The following PRKG1 variants were observed in gnomAD, a reference collection of about 807,000 sequenced individuals.
PRKG1 encodes protein kinase cGMP-dependent 1, also known as cGMP-dependent protein kinase 1.
In PRKG1, 35 loss-of-function variants were observed where a neutral mutation model predicts 88.1. The ratio of observed to expected loss-of-function variants is 0.40; its 90% CI spans 0.30 to 0.53. The LOEUF (loss-of-function observed/expected upper bound fraction) is 0.53. PRKG1 is among the 20% of genes least tolerant of loss of function. The pLI is 0.59. For synonymous variants in PRKG1, 303 were observed against 292.5 expected (o/e 1.04, Z -0.37); for missense variants, 540 against 839.8 (o/e 0.64, Z 4.41).
chr10:52,111,004 C>G (rs1030086213), intron 7 of PRKG1, among the ~76,000 whole-genome samples: 2 of 152,166 alleles, frequency 1.3e-5, no homozygotes, highest in African/African-American at 2.4e-5. Context: ...TCCCAGAGAT[C>G]TCCATTTAGA....
intron 4 of PRKG1, among the ~76,000 whole-genome samples, chr10:51,864,153 C>T (rs144387751): frequency 1.3e-5 from 2 of 152,136 alleles, no homozygotes; most frequent in African/African-American, 2.4e-5. Flanking sequence ...ATAAGATGGT[C>T]ACTCTACACT....
chr10:52,160,735 T>G (rs1442188795), intron 8 of PRKG1, among the ~76,000 whole-genome samples: 1 of 152,062 alleles, frequency 6.6e-6, no homozygotes, highest in African/African-American at 2.4e-5. Context: ...AACTTATTGT[T>G]TAATACTCAC....
intron 3 of PRKG1, among the ~76,000 whole-genome samples, chr10:51,524,548 A>C (rs1233857348): frequency 6.6e-6 from 1 of 152,202 alleles, no homozygotes; most frequent in Non-Finnish European, 1.5e-5. Context: ...GATTTTTTTC[A>C]GCCATCTAAT....
chr10:51,115,406 GAGAC>G (rs1433401871), intron 1 of PRKG1, among the ~76,000 whole-genome samples: 3 of 41,162 alleles, frequency 7.3e-5, no homozygotes, highest in Admixed American at 3.0e-4. Context: ...GAAAGGGGGA[GAGAC>G]AGAGAGAGAG....
intron 1 of PRKG1, among the ~76,000 whole-genome samples, chr10:51,043,215 C>A (rs1843447010): frequency 6.6e-6 from 1 of 152,078 alleles, no homozygotes; most frequent in Non-Finnish European, 1.5e-5. Flanking sequence ...AAGAGGGACT[C>A]CACTGAGATC....
At chr10:52,281,414 C>G (rs1012727073) in intron 13 of PRKG1, among the ~76,000 whole-genome samples, 1 of 150,384 alleles carries the variant, frequency 6.6e-6, no homozygotes, top group East Asian at 2.0e-4. Flanking sequence ...AAGAGAAGTT[C>G]TTTTATTTAC....
intron 2 of PRKG1, among the ~76,000 whole-genome samples, chr10:51,291,793 G>T (rs1460757757): frequency 6.6e-6 from 1 of 152,008 alleles, no homozygotes; most frequent in East Asian, 1.9e-4. Context: ...GTTCAGATGT[G>T]TTTAGATTCT....
chr10:51,828,122 G>A (rs1839921275), intron 4 of PRKG1, among the ~76,000 whole-genome samples: 1 of 152,064 alleles, frequency 6.6e-6, no homozygotes, highest in African/African-American at 2.4e-5. Context: ...TTAGGTTGGA[G>A]CAAAAGTAAT....
rs139668959 is a variant in PRKG1 at position 52,135,757 on chromosome 10, C to CT, written c.1001+1853dup. Reference sequence around the variant, plus strand: ...TATCGAACACTCAAGAATGGATGGCCTGTAGGAGACAGGAAATGTGGGACA... The same window carrying CT: ...TATCGAACACTCAAGAATGGATGGCCTTGTAGGAGACAGGAAATGTGGGACA... On this transcript the variant is annotated intron_variant, in intron 8 of 17. Coordinates refer to ENST00000373980, the MANE Select transcript of PRKG1 (RefSeq NM_006258.4). 2.6e-3 allele frequency among the ~76,000 whole-genome samples: 390 copies of CT among 152,092 alleles called. 4 individuals are homozygous for CT. The highest frequency in any genetic ancestry group is 8.8e-3 in the African/African-American group (365 of 41,500).
At chr10:51,924,450 C>G (rs1842528606) in intron 5 of PRKG1, among the ~76,000 whole-genome samples, 1 of 152,008 alleles carries the variant, frequency 6.6e-6, no homozygotes, top group Non-Finnish European at 1.5e-5. Context: ...TATTCCCTAT[C>G]TCTCTTCTTT....
At chr10:51,024,498 T>C (rs767620141) in intron 1 of PRKG1, among the ~76,000 whole-genome samples, 8 of 152,200 alleles carry the variant, frequency 5.3e-5, no homozygotes, top group Non-Finnish European at 1.2e-4. Flanking sequence ...ATGGCATAGA[T>C]ACTTTTTAGA....
chr10:51,761,656 T>C (rs1838024582), intron 3 of PRKG1, among the ~76,000 whole-genome samples: 1 of 152,220 alleles, frequency 6.6e-6, no homozygotes, highest in Admixed American at 6.5e-5. Flanking sequence ...ATATTATTAC[T>C]TTTTCAAAAA....
chr10:51,551,384 A>G (rs1837128929), intron 3 of PRKG1, among the ~76,000 whole-genome samples: 1 of 151,896 alleles, frequency 6.6e-6, no homozygotes, highest in African/African-American at 2.4e-5. Flanking sequence ...ATCATTAATG[A>G]TTATCCTGAA....
At chr10:52,183,383 G>T in intron 9 of PRKG1, among the ~76,000 whole-genome samples, 1 of 152,202 alleles carries the variant, frequency 6.6e-6, no homozygotes, top group East Asian at 1.9e-4. Flanking sequence ...CCTTGCCTAA[G>T]AGCATGTCAG....
At chr10:51,041,813 G>T (rs1194599299) in intron 1 of PRKG1, among the ~76,000 whole-genome samples, 1 of 152,144 alleles carries the variant, frequency 6.6e-6, no homozygotes, top group African/African-American at 2.4e-5. Flanking sequence ...ATCTTAGTTT[G>T]CTTTGAATAA....
chr10:52,064,892 A>G (rs998703290), intron 7 of PRKG1, among the ~76,000 whole-genome samples: 5 of 152,216 alleles, frequency 3.3e-5, no homozygotes, highest in African/African-American at 1.2e-4. Context: ...AAGGCAGTGA[A>G]GTATTTCCAG....
intron 9 of PRKG1, among the ~76,000 whole-genome samples, chr10:52,249,241 C>T (rs1209853993): frequency 6.6e-6 from 1 of 151,390 alleles, no homozygotes; most frequent in Non-Finnish European, 1.5e-5. Flanking sequence ...GCCAAAATGT[C>T]TCATCCTCAG....
rs933042812 is a variant in PRKG1, at chr10:51,898,934, C to T, written c.699-8573C>T. 2.6e-5 allele frequency among the ~76,000 whole-genome samples: 4 copies of T among 152,164 alleles called. No homozygotes were observed. In the South Asian group the frequency reaches 6.2e-4, roughly 24 times the overall value. ...TTTTGGTATTATAAGAATATATTTACAAAACAGAAAGTTTGAAAATATAAG... is the reference window on the plus strand; with the variant it reads ...TTTTGGTATTATAAGAATATATTTATAAAACAGAAAGTTTGAAAATATAAG... On this transcript the variant is annotated intron_variant, in intron 4 of 17. Coordinates refer to ENST00000373980, the MANE Select transcript of PRKG1 (RefSeq NM_006258.4).
chr10:51,932,888 GA>G (rs899798429), intron 5 of PRKG1, among the ~76,000 whole-genome samples: 28 of 150,986 alleles, frequency 1.9e-4, no homozygotes, highest in Non-Finnish European at 2.8e-4. Context: ...CAGAGTCAGA[GA>G]AAAAAAAATG....
Sources: allele counts gnomAD v4.1 joint callset (sites outside exome capture counted in the v4.1 genomes callset), GRCh38; gene constraint gnomAD v4.1.1; transcripts MANE v1.5; gene names NCBI Gene and HGNC (gene_info 2026-07-23, HGNC 2026-07-21).